COL6A6: variants seen among roughly 807,000 people sequenced by gnomAD.
COL6A6 encodes collagen alpha-6(VI) chain.
Under a neutral mutation model 208.6 loss-of-function variants are expected in COL6A6, and 183 were observed. That is an observed-to-expected ratio of 0.88 (90% CI 0.78 to 0.99). COL6A6 has a LOEUF of 0.99. Among genes scored for constraint, COL6A6 ranks in the 50% least tolerant of loss-of-function variants. COL6A6 has a pLI of 0.00. For missense variants in COL6A6, 2,816 were observed against 2,815.2 expected, an observed-to-expected ratio of 1.00 and a Z score of -0.01; for synonymous variants, 973 against 1,011.8, an observed-to-expected ratio of 0.96 and a Z score of 0.73.
chr3:130,578,019 C>T (rs994403826), intron 8 of COL6A6, among the ~76,000 whole-genome samples: 1 of 152,188 alleles, frequency 6.6e-6, no homozygotes, highest in African/African-American at 2.4e-5. Flanking sequence ...ACTGTTTTCT[C>T]ACCTTTATCC....
intron 1 of COL6A6, among the ~76,000 whole-genome samples, chr3:130,559,962 G>A (rs959159611): frequency 1.3e-5 from 2 of 152,162 alleles, no homozygotes; most frequent in African/African-American, 4.8e-5. Context: ...AATAGGTCTT[G>A]GGGTGTGTCC....
chr3:130,593,232 A>G lies in COL6A6; in HGVS notation c.4450A>G (p.Lys1484Glu). ...DNGLPGRKGEKGDEGSQGSPG... is the reference protein window; with the variant it reads ...DNGLPGRKGEEGDEGSQGSPG... The stretch of plus-strand genomic sequence containing the variant: ...TGGTCTTCCTGGAAGAAAAGGAGAA[A>G]AGGGAGATGAGGGATCTCAGGTAGG... The change falls in exon 17 of 37, where the codon AAG becomes GAG. Residue 1484 changes from lysine (K) to glutamate (E), a missense_variant. By Grantham distance (56) the Lys-to-Glu change is moderately conservative (BLOSUM62 1). Transcript: ENST00000358511. The G allele has an allele frequency of 6.2e-7, 1 of 1,612,888 alleles. No homozygotes were observed. Among genetic ancestry groups the G allele is most frequent in the Non-Finnish European group, 8.5e-7 (1 of 1,178,904 alleles).
chr3:130,524,283 T>C (rs2061908738), intron 1 of COL6A6, among the ~76,000 whole-genome samples: 1 of 152,228 alleles, frequency 6.6e-6, no homozygotes, highest in African/African-American at 2.4e-5. Context: ...TCTGCACATT[T>C]TAAGGGCTTT....
chr3:130,586,218 T>C (rs990111970), intron 10 of COL6A6, among the ~76,000 whole-genome samples: 2 of 152,250 alleles, frequency 1.3e-5, no homozygotes, highest in Non-Finnish European at 2.9e-5. Context: ...TACTTTAGCA[T>C]GCTCTGTAGA....
At chr3:130,639,265 A>T (rs9858810) in intron 28 of COL6A6, among the ~76,000 whole-genome samples, 1 of 151,638 alleles carries the variant, frequency 6.6e-6, no homozygotes, top group African/African-American at 2.4e-5. Flanking sequence ...ACCTTTCTGA[A>T]AATATAAATA....
In COL6A6 at chr3:130,573,640, C is replaced by T. The variant is rs373193188; in HGVS notation, c.2978-316C>T. On this transcript the variant is annotated intron_variant, in intron 7 of 36. Coordinates refer to ENST00000358511, the MANE Select transcript of COL6A6 (RefSeq NM_001102608.3). ...GGAGTGCAGAGGCACAATCTCGGCT[C>T]ACTACAAGCTCCGCCTCCCGGGTTC... Among the ~76,000 whole-genome samples, 7 of 148,092 alleles carry T rather than the reference C, an allele frequency of 4.7e-5. No individual in the cohort carries two copies. In the East Asian group the frequency reaches 8.0e-4, roughly 17 times the overall value.
At chr3:130,578,147 G>A (rs2107981459) in intron 8 of COL6A6, among the ~76,000 whole-genome samples, 1 of 152,240 alleles carries the variant, frequency 6.6e-6, no homozygotes, top group Admixed American at 6.5e-5. Flanking sequence ...CCATGATTAG[G>A]TAGCAGAGAA....
chr3:130,619,262 A>C (rs1182407173), intron 23 of COL6A6, among the ~76,000 whole-genome samples: 2 of 152,194 alleles, frequency 1.3e-5, no homozygotes. Flanking sequence ...CACAGCTAGG[A>C]AGTTTGAGTA....
At chr3:130,547,346 C>T (rs972065649) in intron 1 of COL6A6, among the ~76,000 whole-genome samples, 7 of 152,242 alleles carry the variant, frequency 4.6e-5, no homozygotes, top group African/African-American at 1.2e-4. Flanking sequence ...ACCTGCCAGC[C>T]ACTCCAAGTG....
At chr3:130,651,154 G>C (rs1373722372) in intron 33 of COL6A6, among the ~76,000 whole-genome samples, 1 of 152,190 alleles carries the variant, frequency 6.6e-6, no homozygotes, top group African/African-American at 2.4e-5. Context: ...TTGGCTGGGT[G>C]CGGTGGCTCA....
At chr3:130,649,045 G>C in intron 32 of COL6A6, 24 bp from the exon 33 acceptor site, 1 of 1,502,888 alleles carries the variant, frequency 6.7e-7, no homozygotes, top group African/African-American at 1.4e-5. Flanking sequence ...AGGATGCTAT[G>C]TGTTAAGGGA....
chr3:130,586,853 T>C (rs528692917), intron 11 of COL6A6, among the ~76,000 whole-genome samples, 193 bp downstream of exon 11: 1 of 152,270 alleles, frequency 6.6e-6, no homozygotes, highest in South Asian at 2.1e-4. Context: ...TGTCAAAGCA[T>C]GTTTAATTTA....
rs763410728 is a variant in COL6A6 at position 130,581,998 on chromosome 3, T to G, written c.3900T>G (p.Leu1300=). The G allele has an allele frequency of 1.6e-4, 250 of 1,609,450 alleles. 1 individual carries two copies. Among genetic ancestry groups the G allele is most frequent in the Admixed American group, 1.2e-4 (7 of 58,976 alleles). ...TTTGAATACTTTCTTAGGTGGTCCT[T>G]TTATTTTCAGATGGATTGGATGATG... The part of the protein sequence containing the change: ...NKSAARGKVV[L]LFSDGLDDDV... The change falls in exon 10 of 37, where the codon CTT becomes CTG. Residue 1300 remains leucine, a synonymous_variant. Transcript: ENST00000358511.
intron 23 of COL6A6, among the ~76,000 whole-genome samples, chr3:130,619,444 G>T (rs1196331586): frequency 6.6e-6 from 1 of 152,164 alleles, no homozygotes; most frequent in East Asian, 1.9e-4. Flanking sequence ...ATAAAGCGAT[G>T]GAAGTAGTCA....
intron 1 of COL6A6, among the ~76,000 whole-genome samples, chr3:130,531,664 C>T (rs992993734): frequency 1.3e-5 from 2 of 152,188 alleles, no homozygotes; most frequent in African/African-American, 2.4e-5. Flanking sequence ...CTTATAGTCT[C>T]ATAGGCCTGT....
rs376123767 is a variant in COL6A6 at position 130,599,770 on chromosome 3, G to A, written c.4613G>A (p.Trp1538Ter). 6.2e-7 allele frequency: 1 copy of A among 1,613,666 alleles called. No individual in the cohort carries two copies. Among genetic ancestry groups the A allele is most frequent in the Non-Finnish European group, 8.5e-7 (1 of 1,179,784 alleles). ...GERGRQGRRGWPGPPGTPGSR... is the reference protein window; with the variant it reads ...GERGRQGRRG ...TTCCTTTGACAGGGCAGAAGAGGCTGGCCAGGCCCCCCCGGGACACCAGGC... is the reference window on the plus strand; with the variant it reads ...TTCCTTTGACAGGGCAGAAGAGGCTAGCCAGGCCCCCCCGGGACACCAGGC... Residue 1538 changes from tryptophan (W) to a stop codon, truncating the protein, a stop_gained, in exon 20 of 37, where the codon TGG (tryptophan) becomes TAG (stop). Transcript: ENST00000358511. LOFTEE classifies it high-confidence loss of function.
At chr3:130,594,457 G>C in intron 18 of COL6A6, 114 bp downstream of exon 18, 1 of 755,426 alleles carries the variant, frequency 1.3e-6, no homozygotes, top group Non-Finnish European at 2.2e-6. Context: ...AACACCACAG[G>C]CATGATTGTA....
In COL6A6 at chr3:130,590,090, A is replaced by G. The variant is rs1370001358; in HGVS notation, c.4218+908A>G. The G allele has an allele frequency of 7.3e-6, 3 of 411,040 alleles. No homozygotes were observed. The Admixed American group carries it at 8.0e-5, about 11-fold the overall frequency. The allele number at this position is 411,040 out of a possible 1,614,324, so 25.5% of individuals were successfully genotyped here. The stretch of plus-strand genomic sequence containing the variant: ...ATAAATCTTAAAAGATTTTTTAATA[A>G]ACGGAGAATAATTCTAGTTTATCAG... On this transcript the variant is annotated intron_variant, in intron 12 of 36. Coordinates refer to ENST00000358511, the MANE Select transcript of COL6A6 (RefSeq NM_001102608.3).
At chr3:130,597,222 G>T (rs2063876899) in intron 18 of COL6A6, among the ~76,000 whole-genome samples, 2 of 152,244 alleles carry the variant, frequency 1.3e-5, no homozygotes, top group Non-Finnish European at 2.9e-5. Flanking sequence ...GGTATACCCT[G>T]CTTGGAGAAC....
Sources: allele counts gnomAD v4.1 joint callset (sites outside exome capture counted in the v4.1 genomes callset), GRCh38; gene constraint gnomAD v4.1.1; transcripts MANE v1.5; gene names NCBI Gene and HGNC (gene_info 2026-07-23, HGNC 2026-07-21).